The following IKZF3 variants were observed in gnomAD, a reference collection of about 807,000 sequenced individuals.
IKZF3 encodes IKAROS family zinc finger 3, also known as zinc finger protein Aiolos.
In IKZF3, 10 loss-of-function variants were observed where a neutral mutation model predicts 49.0. The ratio of observed to expected loss-of-function variants is 0.20; its 90% CI spans 0.13 to 0.35. The LOEUF is 0.35. Among genes scored for constraint, IKZF3 ranks in the 10% least tolerant of loss-of-function variants. The probability of loss-of-function intolerance (pLI) is 1.00; values close to 1 mark genes in which losing one functional copy is unlikely to be tolerated. For missense variants in IKZF3, 498 were observed against 664.8 expected (o/e 0.75, Z 2.76); for synonymous variants, 209 against 228.2 (o/e 0.92, Z 0.76).
At chr17:39,782,877 T>G (rs2060780057) in intron 6 of IKZF3, among the ~76,000 whole-genome samples, 1 of 152,180 alleles carries the variant, frequency 6.6e-6, no homozygotes, top group African/African-American at 2.4e-5. Context: ...GACATACTAA[T>G]TTTCATTAGA....
chr17:39,798,483 G>A (rs556479080), intron 3 of IKZF3, among the ~76,000 whole-genome samples: 3 of 151,112 alleles, frequency 2.0e-5, no homozygotes, highest in Admixed American at 1.3e-4. Flanking sequence ...ATGGCCACAG[G>A]TCCAAGTCCT....
intron 1 of IKZF3, among the ~76,000 whole-genome samples, chr17:39,850,787 A>T (rs1299407882): frequency 8.0e-6 from 1 of 125,014 alleles, no homozygotes; most frequent in African/African-American, 3.2e-5. Context: ...GTATATATAC[A>T]TATCTAATAT....
intron 3 of IKZF3, among the ~76,000 whole-genome samples, chr17:39,809,314 T>C (rs28580691): frequency 0.057 from 8,679 of 152,222 alleles, 377 homozygotes; most frequent in African/African-American, 0.12. Flanking sequence ...ATGCAGTCAG[T>C]TAAAGCAGAT....
rs34291217 is a variant in IKZF3 at position 39,788,158 on chromosome 17, C to A, written c.709+100G>T. ...ATTTACTTTCTTTATAATCTGTCTG[C>A]CCCCAGTAAAATATAAACTCCACGA... On this transcript the variant is annotated intron_variant, in intron 6 of 7. Coordinates refer to ENST00000346872, the MANE Select transcript of IKZF3 (RefSeq NM_012481.5). 0.037 allele frequency: 26,040 copies of A among 697,118 alleles called. 784 individuals are homozygous for A. Among genetic ancestry groups the A allele is most frequent in the African/African-American group, 0.12 (6,913 of 55,976 alleles). The allele number at this position is 697,118 out of a possible 1,614,324, so 43.2% of individuals were successfully genotyped here.
intron 1 of IKZF3, among the ~76,000 whole-genome samples, chr17:39,839,714 A>G (rs1285917662): frequency 6.6e-6 from 1 of 151,960 alleles, no homozygotes; most frequent in Non-Finnish European, 1.5e-5. Context: ...AGCCGGGACT[A>G]TAGGTGCAAT....
Position 39,804,799 on chromosome 17 carries a change from C to T in IKZF3, c.164-11866G>A, listed in dbSNP as rs551772186. Among the ~76,000 whole-genome samples the T allele has an allele frequency of 8.9e-4, 136 of 152,282 alleles. 1 individual carries two copies. Among genetic ancestry groups the T allele is most frequent in the African/African-American group, 2.8e-3 (116 of 41,546 alleles). On this transcript the variant is annotated intron_variant, in intron 3 of 7. Transcript: ENST00000346872. ...CTTTGCTGGTCCTACTCCTACCTCA[C>T]TTATTTACTTATATCCTCTGTTTAT...
intron 7 of IKZF3, among the ~76,000 whole-genome samples, chr17:39,769,987 T>C (rs2060395940): frequency 6.6e-6 from 1 of 152,188 alleles, no homozygotes; most frequent in Non-Finnish European, 1.5e-5. Flanking sequence ...CAGACCATTG[T>C]TCATTGTTAA....
intron 1 of IKZF3, among the ~76,000 whole-genome samples, chr17:39,849,413 C>T (rs1462102622): frequency 1.3e-5 from 2 of 150,658 alleles, no homozygotes; most frequent in African/African-American, 4.9e-5. Flanking sequence ...AATCCCAGCA[C>T]TTTGGGAGGC....
intron 3 of IKZF3, among the ~76,000 whole-genome samples, chr17:39,819,960 G>A (rs772888348): frequency 1.6e-4 from 25 of 152,146 alleles, no homozygotes; most frequent in Admixed American, 1.2e-3. Context: ...CGTGAGCCAA[G>A]CCACTGCACC....
At chr17:39,815,102 C>T (rs561982304) in intron 3 of IKZF3, among the ~76,000 whole-genome samples, 2 of 152,282 alleles carry the variant, frequency 1.3e-5, no homozygotes, top group South Asian at 4.1e-4. Context: ...TTTTATTCCT[C>T]AGCTATTCAA....
At chr17:39,800,659 C>T (rs1377963333) in intron 3 of IKZF3, among the ~76,000 whole-genome samples, 3 of 152,182 alleles carry the variant, frequency 2.0e-5, no homozygotes, top group Non-Finnish European at 4.4e-5. Context: ...CGAACACACA[C>T]ACACACCCCA....
chr17:39,829,652 G>C lies in IKZF3; in HGVS notation c.62-164C>G, dbSNP rs577742964. Among the ~76,000 whole-genome samples the C allele has an allele frequency of 6.6e-5, 10 of 152,244 alleles. No homozygotes were observed. In the East Asian group the frequency reaches 1.7e-3, roughly 26 times the overall value. Reference sequence around the variant, plus strand: ...AAGGGATGTATACATGAAAACTCTTGAGGTTTAGAAATAAGCCCAGGGTTC... The same window carrying C: ...AAGGGATGTATACATGAAAACTCTTCAGGTTTAGAAATAAGCCCAGGGTTC... On this transcript the variant is annotated intron_variant, in intron 2 of 7. Coordinates refer to ENST00000346872, the MANE Select transcript of IKZF3 (RefSeq NM_012481.5).
At chr17:39,778,301 T>C in intron 6 of IKZF3, 1 of 505,750 alleles carries the variant, frequency 2.0e-6, no homozygotes, top group Non-Finnish European at 2.6e-6. Flanking sequence ...TTCTTTCTTT[T>C]TCTTTTTCTT....
intron 3 of IKZF3, among the ~76,000 whole-genome samples, chr17:39,814,722 A>G (rs2061639310): frequency 6.6e-6 from 1 of 152,148 alleles, no homozygotes; most frequent in African/African-American, 2.4e-5. Flanking sequence ...GGAAGTCACC[A>G]GAAGCCAGAA....
Position 39,766,147 on chromosome 17 carries a change from G to A in IKZF3, c.1173C>T (p.Ser391=), listed in dbSNP as rs1193862634. 6.2e-7 allele frequency: 1 copy of A among 1,614,162 alleles called. No homozygotes were observed. The highest frequency in any genetic ancestry group is 8.5e-7 in the Non-Finnish European group (1 of 1,180,012). ...NSGHDSTDTD[S]NHEERQNHIY... ...TGTGATTCTGGCGTTCTTCATGGTT[G>A]CTGTCAGTGTCCGTGGAGTCGTGGC... The change falls in exon 8 of 8, where the codon AGC becomes AGT. Residue 391 remains serine, a synonymous_variant. Coordinates refer to ENST00000346872, the MANE Select transcript of IKZF3 (RefSeq NM_012481.5).
chr17:39,835,937 C>T lies in IKZF3; in HGVS notation c.8-3786G>A, dbSNP rs1277209648. On this transcript the variant is annotated intron_variant, in intron 1 of 7. Transcript: ENST00000346872. ...CAAGATCTGCCTCCAGTTTCAGCTT[C>T]TCCTGGCCTAGAGTGTCCAGCTGCC... 9.2e-6 allele frequency: 6 copies of T among 653,582 alleles called. No homozygotes were observed. The East Asian group carries it at 1.0e-4, about 11-fold the overall frequency. The allele number at this position is 653,582 out of a possible 1,614,324, so 40.5% of individuals were successfully genotyped here.
At chr17:39,835,464 G>C (rs1277327728) in intron 1 of IKZF3, 1 of 452,644 alleles carries the variant, frequency 2.2e-6, no homozygotes. Flanking sequence ...GGAGCCGGCT[G>C]ATGTTCCAGT....
At chr17:39,834,503 A>T (rs1463654274) in intron 1 of IKZF3, among the ~76,000 whole-genome samples, 1 of 152,168 alleles carries the variant, frequency 6.6e-6, no homozygotes, top group African/African-American at 2.4e-5. Flanking sequence ...CTGGTTATTT[A>T]TAAGTGTTTA....
At chr17:39,808,775 G>A (rs764427429) in intron 3 of IKZF3, among the ~76,000 whole-genome samples, 5 of 152,162 alleles carry the variant, frequency 3.3e-5, no homozygotes, top group Non-Finnish European at 5.9e-5. Flanking sequence ...GACTAGAACC[G>A]GAAAATCAAG....
Sources: gnomAD v4.1 joint callset for allele counts (sites outside exome capture counted in the v4.1 genomes callset) on GRCh38, gnomAD v4.1.1 for gene constraint, MANE v1.5 for transcripts, NCBI Gene and HGNC (gene_info 2026-07-23, HGNC 2026-07-21) for gene names.